CACNA2D3: variants seen among roughly 807,000 people sequenced by gnomAD.
CACNA2D3 encodes calcium voltage-gated channel auxiliary subunit alpha2delta 3.
CACNA2D3 carries 60 observed loss-of-function variants against 160.6 expected under a neutral mutation model. The observed-to-expected ratio is 0.37, with a 90% CI of 0.30 to 0.46. The LOEUF is 0.46. Ranked by LOEUF, CACNA2D3 falls within the 20% of genes least tolerant of loss-of-function variation. CACNA2D3 has a pLI of 1.00. For synonymous variants in CACNA2D3, 558 were observed against 492.9 expected, an observed-to-expected ratio of 1.13 and a Z score of -1.75; for missense variants, 1,205 against 1,365.0, an observed-to-expected ratio of 0.88 and a Z score of 1.85.
chr3:54,600,272 G>A (rs1575372822), intron 9 of CACNA2D3, among the ~76,000 whole-genome samples: 2 of 152,308 alleles, frequency 1.3e-5, no homozygotes, highest in East Asian at 3.9e-4. Context: ...GGGTCATGTT[G>A]CTAATTCAGG....
chr3:54,126,934 C>T (rs1412145202), intron 2 of CACNA2D3, among the ~76,000 whole-genome samples: 1 of 152,156 alleles, frequency 6.6e-6, no homozygotes, highest in African/African-American at 2.4e-5. Context: ...TTTGGGGAGG[C>T]ATAGTTTCAT....
chr3:54,728,342 G>A (rs1313831690), intron 11 of CACNA2D3, among the ~76,000 whole-genome samples: 2 of 152,014 alleles, frequency 1.3e-5, no homozygotes, highest in Admixed American at 6.6e-5. Flanking sequence ...CTTCTCTTCG[G>A]TAGTGTCTAA....
chr3:54,736,080 TATGTATGTGTATATATATAC>T lies in CACNA2D3; in HGVS notation c.1168-16516_1168-16497del, dbSNP rs1559563694. Among the ~76,000 whole-genome samples, 46 of 24,266 alleles carry T rather than the reference TATGTATGTGTATATATATAC, an allele frequency of 1.9e-3. 1 individual carries two copies. The highest frequency in any genetic ancestry group is 4.5e-3 in the South Asian group (4 of 886). 15.9% of individuals were successfully genotyped at this position (24,266 alleles called of 152,430 possible). On this transcript the variant is annotated intron_variant, in intron 11 of 37. Coordinates refer to ENST00000474759, the MANE Select transcript of CACNA2D3 (RefSeq NM_018398.3). ...ATGTATGTATATATATATACATATA[TATGTATGTGTATATATATAC>T]ATATATATGTATATATATACATATA... is the stretch of plus-strand genomic sequence containing the variant.
At chr3:55,064,416 G>A (rs1025664293) in intron 35 of CACNA2D3, among the ~76,000 whole-genome samples, 3 of 152,102 alleles carry the variant, frequency 2.0e-5, no homozygotes, top group Non-Finnish European at 4.4e-5. Flanking sequence ...GAGGTGGGGG[G>A]CAGGGCTCTA....
chr3:54,404,160 C>A (rs527746739), intron 4 of CACNA2D3, among the ~76,000 whole-genome samples: 10 of 152,254 alleles, frequency 6.6e-5, no homozygotes, highest in Admixed American at 6.5e-4. Flanking sequence ...CACCTTGGTA[C>A]CTAAACCAAA....
At chr3:54,846,321 G>C in intron 16 of CACNA2D3, 72 bp from the exon 17 acceptor site, 1 of 909,192 alleles carries the variant, frequency 1.1e-6, no homozygotes, top group Non-Finnish European at 1.7e-6. Flanking sequence ...ACTAAATGCC[G>C]GGCTGCTTTA....
chr3:54,842,035 A>C (rs1303794651), intron 16 of CACNA2D3, among the ~76,000 whole-genome samples: 1 of 152,246 alleles, frequency 6.6e-6, no homozygotes, highest in African/African-American at 2.4e-5. Context: ...TAGCGATTTC[A>C]TCAGTGTATT....
intron 13 of CACNA2D3, among the ~76,000 whole-genome samples, chr3:54,803,144 G>A (rs1168951732): frequency 4.6e-5 from 7 of 152,296 alleles, no homozygotes; most frequent in African/African-American, 1.2e-4. Context: ...ACTCTAAAAA[G>A]CAGAGCGCCT....
intron 17 of CACNA2D3, 43 bp downstream of exon 17, chr3:54,846,510 T>A: frequency 7.7e-7 from 1 of 1,299,734 alleles, no homozygotes; most frequent in Non-Finnish European, 1.1e-6. Context: ...TTTTATGATT[T>A]TAAAAGATTT....
At chr3:54,895,476 G>A (rs1054606416) in intron 25 of CACNA2D3, among the ~76,000 whole-genome samples, 1 of 152,200 alleles carries the variant, frequency 6.6e-6, no homozygotes, top group African/African-American at 2.4e-5. Context: ...TCCATCTTTG[G>A]TAGAGGTGAA....
intron 35 of CACNA2D3, among the ~76,000 whole-genome samples, chr3:55,056,303 T>A (rs1355399346): frequency 6.6e-6 from 1 of 152,202 alleles, no homozygotes; most frequent in South Asian, 2.1e-4. Context: ...GGATGAAAGA[T>A]AACAAGTGTT....
chr3:54,790,258 A>G (rs2106644585), intron 13 of CACNA2D3, among the ~76,000 whole-genome samples: 1 of 152,298 alleles, frequency 6.6e-6, no homozygotes, highest in Non-Finnish European at 1.5e-5. Context: ...GCTTGTTGTC[A>G]GGGTAACTGG....
At chr3:54,746,587 C>T (rs921659033) in intron 11 of CACNA2D3, among the ~76,000 whole-genome samples, 4 of 152,022 alleles carry the variant, frequency 2.6e-5, no homozygotes, top group Non-Finnish European at 4.4e-5. Flanking sequence ...ATGTGGGCAC[C>T]GATAGGTCAT....
intron 5 of CACNA2D3, among the ~76,000 whole-genome samples, chr3:54,544,581 G>C (rs1702031724): frequency 6.6e-6 from 1 of 151,988 alleles, no homozygotes; most frequent in Admixed American, 6.6e-5. Flanking sequence ...GATTTTTGTA[G>C]GGATGGGGGT....
At chr3:54,359,371 G>A (rs1698703935) in intron 3 of CACNA2D3, among the ~76,000 whole-genome samples, 1 of 152,182 alleles carries the variant, frequency 6.6e-6, no homozygotes, top group Non-Finnish European at 1.5e-5. Context: ...GTCAGGCATG[G>A]GTAGAGGTCA....
intron 26 of CACNA2D3, among the ~76,000 whole-genome samples, chr3:54,898,263 C>T (rs1306770871): frequency 4.1e-5 from 6 of 146,586 alleles, no homozygotes; most frequent in African/African-American, 1.5e-4. Context: ...TGCTCCGTCA[C>T]CCAGGTTGGA....
intron 16 of CACNA2D3, among the ~76,000 whole-genome samples, chr3:54,839,967 A>G (rs1193471729): frequency 1.3e-5 from 2 of 152,184 alleles, no homozygotes; most frequent in East Asian, 3.9e-4. Flanking sequence ...CTAAAAGTCA[A>G]AGATGGAGAT....
At position 54,151,131 on chromosome 3, in the gene CACNA2D3, A is replaced by G. The variant is rs569124830; in HGVS notation, c.204+27537A>G. On this transcript the variant is annotated intron_variant, in intron 2 of 37. Transcript: ENST00000474759. ...GATGGGTGAATGGATGGATGAGTGG[A>G]TGGACAGATAGATGAATGAATAGAT... Among the ~76,000 whole-genome samples, 217 of 151,204 alleles carry G rather than the reference A, an allele frequency of 1.4e-3. 2 individuals are homozygous for G. The highest frequency in any genetic ancestry group is 5.0e-3 in the African/African-American group (205 of 41,054).
intron 31 of CACNA2D3, among the ~76,000 whole-genome samples, chr3:55,002,447 G>A (rs761326225): frequency 2.6e-5 from 4 of 152,222 alleles, no homozygotes; most frequent in Non-Finnish European, 5.9e-5. Flanking sequence ...GGGCCAGTCA[G>A]GGACCAATTA....
Sources: gnomAD v4.1 joint callset for allele counts (sites outside exome capture counted in the v4.1 genomes callset) on GRCh38, gnomAD v4.1.1 for gene constraint, MANE v1.5 for transcripts, NCBI Gene and HGNC (gene_info 2026-07-23, HGNC 2026-07-21) for gene names.